The following TMEM231 variants were observed in gnomAD, a reference collection of about 807,000 sequenced individuals.
TMEM231 encodes transmembrane protein 231.
A neutral mutation model predicts 38.5 loss-of-function variants in TMEM231; 40 were observed. The observed-to-expected ratio is 1.04, with a 90% CI of 0.81 to 1.35. The LOEUF (loss-of-function observed/expected upper bound fraction) is 1.35, where lower values mean the gene tolerates loss of function less well. Ranked by LOEUF, TMEM231 falls within the 40% of genes most tolerant of loss-of-function variation. The pLI, the probability that TMEM231 is intolerant of heterozygous loss-of-function variation, is 0.00. For synonymous variants in TMEM231, 199 were observed against 181.7 expected (o/e 1.10, Z -0.77); for missense variants, 420 against 416.9 (o/e 1.01, Z -0.07).
rs3743601 is a variant in TMEM231 at position 75,556,194 on chromosome 16, G to A, written c.16C>T (p.Leu6Phe). 1.3e-6 allele frequency: 2 copies of A among 1,485,256 alleles called. No individual in the cohort carries two copies. Among genetic ancestry groups the A allele is most frequent in the African/African-American group, 1.4e-5 (1 of 70,054 alleles). The allele number at this position is 1,485,256 out of a possible 1,614,324, so 92.0% of individuals were successfully genotyped here. A position where few individuals can be genotyped will look rare whatever the true frequency, so the allele number is the denominator to read the frequency against. The change falls in exon 1 of 7, where the codon CTC becomes TTC. Residue 6 changes from leucine (L) to phenylalanine (F), a missense_variant. Physicochemically the swap from Leu to Phe is conservative, Grantham distance 22. Coordinates refer to ENST00000258173, the MANE Select transcript of TMEM231 (RefSeq NM_001077418.3). ...CTGCGCTCGACCGGGTGAGAGAAGAGCTCATAGAGCGCCATGAGCACCGCT... is the reference window on the plus strand; with the variant it reads ...CTGCGCTCGACCGGGTGAGAGAAGAACTCATAGAGCGCCATGAGCACCGCT... The part of the protein sequence containing the change: MALYE[L>F]FSHPVERSYR...
chr16:75,542,686 G>A lies in TMEM231; in HGVS notation c.583-3C>T. 1 of 1,613,720 alleles carries A rather than the reference G, an allele frequency of 6.2e-7. No homozygotes were observed. The highest frequency in any genetic ancestry group is 8.5e-7 in the Non-Finnish European group (1 of 1,179,744). On this transcript the variant is annotated splice_polypyrimidine_tract_variant and splice_region_variant and intron_variant, in intron 4 of 6. Coordinates refer to ENST00000258173, the MANE Select transcript of TMEM231 (RefSeq NM_001077418.3). ...CTGGTCCCGTTGATCACGGATATCT[G>A]GGACACGGGAGGAGGATGTGGTGTG...
chr16:75,555,564 G>A (rs1360148477), intron 2 of TMEM231: 2 of 476,666 alleles, frequency 4.2e-6, no homozygotes, highest in East Asian at 6.9e-5. Context: ...GTGTCAGGGC[G>A]CACACGCTGA....
intron 2 of TMEM231, among the ~76,000 whole-genome samples, chr16:75,546,760 T>C (rs1036818344): frequency 2.0e-5 from 3 of 152,218 alleles, no homozygotes; most frequent in African/African-American, 4.8e-5. Context: ...ACTCTGTTTA[T>C]AGATTCTGAA....
chr16:75,541,115 G>C (rs2080621717), intron 6 of TMEM231, among the ~76,000 whole-genome samples: 1 of 151,802 alleles, frequency 6.6e-6, no homozygotes. Context: ...CTGGACTCAA[G>C]CAATCCTCCT....
intron 2 of TMEM231, among the ~76,000 whole-genome samples, chr16:75,549,453 C>G (rs1349232977): frequency 1.3e-5 from 2 of 152,116 alleles, no homozygotes; most frequent in African/African-American, 2.4e-5. Context: ...CTCTGCATAT[C>G]CCAGGAGAGA....
chr16:75,545,158 G>T (rs1014077364), intron 4 of TMEM231, among the ~76,000 whole-genome samples, 194 bp downstream of exon 4: 3 of 151,798 alleles, frequency 2.0e-5, no homozygotes, highest in Non-Finnish European at 2.9e-5. Flanking sequence ...GTTTCACCAG[G>T]TTGGCCAGAC....
chr16:75,542,521 T>C, intron 5 of TMEM231, 81 bp downstream of exon 5: 1 of 1,138,238 alleles, frequency 8.8e-7, no homozygotes, highest in South Asian at 1.2e-5. Context: ...TCACAAGGGT[T>C]CCAGTTCTGC....
Position 75,555,990 on chromosome 16 carries a change from G to C in TMEM231, c.140-17C>G, listed in dbSNP as rs765091642. ...GCCAAAACCCTGAGTTAAAGAGGGC[G>C]GTAGGGAGGCGGTTAGGGAGGCCGG... On this transcript the variant is annotated splice_polypyrimidine_tract_variant and intron_variant, in intron 1 of 6. Coordinates refer to ENST00000258173, the MANE Select transcript of TMEM231 (RefSeq NM_001077418.3). 2.6e-5 allele frequency: 41 copies of C among 1,595,260 alleles called. No individual in the cohort carries two copies. Among genetic ancestry groups the C allele is most frequent in the Non-Finnish European group, 3.2e-5 (38 of 1,170,994 alleles).
rs1332477495 is a variant in TMEM231 at position 75,539,321 on chromosome 16, T to TCA, written c.*671_*672dup. The TCA allele has an allele frequency of 1.3e-5, 2 of 152,478 alleles. No individual in the cohort carries two copies. The highest frequency in any genetic ancestry group is 2.9e-5 in the Non-Finnish European group (2 of 68,220). 9.4% of individuals were successfully genotyped at this position (152,478 alleles called of 1,614,324 possible). A position where few individuals can be genotyped will look rare whatever the true frequency, so the allele number is the denominator to read the frequency against. On this transcript the variant is annotated 3_prime_UTR_variant, in exon 7 of 7. Coordinates refer to ENST00000258173, the MANE Select transcript of TMEM231 (RefSeq NM_001077418.3). Reference sequence around the variant, plus strand: ...GGGAAAAATAGGGCAAAGAGCCCAGTCACAGTACGGCAAAGATCCAGGGCT... The same window carrying TCA: ...GGGAAAAATAGGGCAAAGAGCCCAGTCACACAGTACGGCAAAGATCCAGGGCT...
chr16:75,548,223 A>G (rs2151704790), intron 2 of TMEM231, among the ~76,000 whole-genome samples: 1 of 152,322 alleles, frequency 6.6e-6, no homozygotes, highest in South Asian at 2.1e-4. Flanking sequence ...TATTTTAAAA[A>G]TTCCAAATGA....
At chr16:75,548,380 C>A (rs942415077) in intron 2 of TMEM231, among the ~76,000 whole-genome samples, 3 of 152,170 alleles carry the variant, frequency 2.0e-5, no homozygotes, top group Non-Finnish European at 4.4e-5. Flanking sequence ...GTTAAATTCA[C>A]TCATTGATCT....
At chr16:75,550,539 T>C (rs1163238253) in intron 2 of TMEM231, among the ~76,000 whole-genome samples, 1 of 152,084 alleles carries the variant, frequency 6.6e-6, no homozygotes, top group Non-Finnish European at 1.5e-5. Context: ...AGACAATACC[T>C]CATAACCAGC....
intron 4 of TMEM231, among the ~76,000 whole-genome samples, chr16:75,544,949 C>CT (rs71134720): frequency 1.7e-4 from 15 of 89,590 alleles, no homozygotes; most frequent in Non-Finnish European, 3.1e-4. Context: ...TTTTCTTTTT[C>CT]TTTTTTTTTT....
chr16:75,547,707 A>C (rs2080710209), intron 2 of TMEM231, among the ~76,000 whole-genome samples: 2 of 152,124 alleles, frequency 1.3e-5, no homozygotes, highest in African/African-American at 4.8e-5. Context: ...TGAACCAGGG[A>C]GTTGGAGGTT....
rs780308245 is a variant in TMEM231, at chr16:75,555,943, TC to T, written c.169del (p.Glu57SerfsTer83). On this transcript the variant is annotated frameshift_variant, in exon 2 of 7. Coordinates refer to ENST00000258173, the MANE Select transcript of TMEM231 (RefSeq NM_001077418.3). LOFTEE classifies it high-confidence loss of function. ...GTGTTGGAAGCGCACGGTCGGCTGCTCCTCGTAGCTGCTCCGCTTCAGCCAA... is the reference window on the plus strand; with the variant it reads ...GTGTTGGAAGCGCACGGTCGGCTGCTCTCGTAGCTGCTCCGCTTCAGCCAA... ...GFWLKRSSYE[E>X]QPTVRFQHQV... 1.9e-6 allele frequency: 3 copies of T among 1,604,238 alleles called. No individual in the cohort carries two copies. In the East Asian group the frequency reaches 6.7e-5, roughly 36 times the overall value.
chr16:75,552,121 A>T (rs2080769395), intron 2 of TMEM231, among the ~76,000 whole-genome samples: 2 of 152,114 alleles, frequency 1.3e-5, no homozygotes, highest in African/African-American at 4.8e-5. Context: ...GCCATCAAAC[A>T]TGTTGGTGAT....
chr16:75,551,319 T>C (rs750272310), intron 2 of TMEM231, among the ~76,000 whole-genome samples: 2 of 152,162 alleles, frequency 1.3e-5, no homozygotes, highest in Non-Finnish European at 2.9e-5. Flanking sequence ...CACCTCAGCC[T>C]CCTGAGTAGC....
chr16:75,541,512 G>C (rs7202717), intron 5 of TMEM231, 57 bp from the exon 6 acceptor site: 1 of 1,159,764 alleles, frequency 8.6e-7, no homozygotes, highest in Non-Finnish European at 1.2e-6. Context: ...GGCAGTTGAA[G>C]GCTATAAAGA....
At position 75,545,925 on chromosome 16, in the gene TMEM231, C is replaced by T; in HGVS notation, c.339G>A (p.Gly113=). 6.6e-7 allele frequency: 1 copy of T among 1,526,586 alleles called. No homozygotes were observed. Among genetic ancestry groups the T allele is most frequent in the Non-Finnish European group, 8.8e-7 (1 of 1,134,238 alleles). The allele number at this position is 1,526,586 out of a possible 1,614,324, so 94.6% of individuals were successfully genotyped here. ...STREEDRNQD[G]KTDMLHFKLE... Reference sequence around the variant, plus strand: ...GCTTAAAATGTAACATGTCCGTCTTCCCATCCTGGTTCCTGTCTTCTTCTC... The same window carrying T: ...GCTTAAAATGTAACATGTCCGTCTTTCCATCCTGGTTCCTGTCTTCTTCTC... The change falls in exon 3 of 7, where the codon GGG becomes GGA. Residue 113 remains glycine, a synonymous_variant. Transcript: ENST00000258173.
Sources: gnomAD v4.1 joint callset for allele counts (sites outside exome capture counted in the v4.1 genomes callset) on GRCh38, gnomAD v4.1.1 for gene constraint, MANE v1.5 for transcripts, NCBI Gene and HGNC (gene_info 2026-07-23, HGNC 2026-07-21) for gene names.